The following LACRT variants were observed in gnomAD, a reference collection of about 807,000 sequenced individuals.
LACRT encodes the protein extracellular glycoprotein lacritin.
Under a neutral mutation model 14.5 loss-of-function variants are expected in LACRT, and 14 were observed. The observed-to-expected ratio is 0.96, with a 90% CI of 0.64 to 1.51. LACRT has a LOEUF of 1.51. LACRT is among the 40% of genes most tolerant of loss of function. The probability of loss-of-function intolerance (pLI) is 0.00; values close to 1 mark genes in which losing one functional copy is unlikely to be tolerated. For missense variants in LACRT, 156 were observed against 161.8 expected (o/e 0.96, Z 0.19); for synonymous variants, 70 against 63.5 (o/e 1.10, Z -0.48).
At chr12:54,631,932 C>G (rs1037073224) in intron 3 of LACRT, 93 bp from the exon 4 acceptor site, 9 of 753,856 alleles carry the variant, frequency 1.2e-5, no homozygotes, top group East Asian at 5.5e-5. Context: ...CCCCCACCCC[C>G]ACTCCACCCA....
At chr12:54,632,499 T>C in intron 2 of LACRT, 118 bp from the exon 3 acceptor site, 1 of 1,184,408 alleles carries the variant, frequency 8.4e-7, no homozygotes, top group Non-Finnish European at 1.2e-6. Flanking sequence ...AGAAGTGATA[T>C]GGCTTAAACG....
In LACRT at chr12:54,632,251, T is replaced by C. The variant is rs775369695; in HGVS notation, c.243A>G (p.Leu81=). 2 of 1,614,056 alleles carry C rather than the reference T, an allele frequency of 1.2e-6. No homozygotes were observed. Among genetic ancestry groups the C allele is most frequent in the South Asian group, 2.2e-5 (2 of 91,068 alleles). ...TAKVTSSRQE[L]NPLKSIVEKS... ...GAGACAGAGACTTACTCAGGGGGTT[T>C]AGTTCCTGCCTGCTTGAGGTGACCT... Residue 81 remains leucine, a synonymous_variant, in exon 3 of 5, where the codon CTA becomes CTG. Transcript: ENST00000257867.
chr12:54,634,639 G>A (rs374840746), intron 1 of LACRT, 145 bp downstream of exon 1: 114 of 786,284 alleles, frequency 1.4e-4, no homozygotes, highest in Admixed American at 1.3e-3. Flanking sequence ...CAGAGGCCAC[G>A]TGTGGAGAAC....
At chr12:54,631,105 C>G in intron 4 of LACRT, 152 bp from the exon 5 acceptor site, 1 of 633,530 alleles carries the variant, frequency 1.6e-6, no homozygotes, top group Non-Finnish European at 2.8e-6. Flanking sequence ...ATTAGATTCA[C>G]CAGAGCCTGA....
chr12:54,631,765 C>T lies in LACRT; in HGVS notation c.328G>A (p.Val110Met), dbSNP rs373073673. ...AKAGKGMHGG[V>M]PGGKQFIENG... ...TCGATGAATTGTTTTCCACCTGGCACGCCTCCGTGCATTCCTTTTCCTGCT... is the reference window on the plus strand; with the variant it reads ...TCGATGAATTGTTTTCCACCTGGCATGCCTCCGTGCATTCCTTTTCCTGCT... The change falls in exon 4 of 5, where the codon GTG (valine) becomes ATG (methionine). Residue 110 changes from valine (V) to methionine (M), a missense_variant. Coordinates refer to ENST00000257867, the MANE Select transcript of LACRT (RefSeq NM_033277.2). The T allele has an allele frequency of 1.7e-5, 27 of 1,613,762 alleles. No individual in the cohort carries two copies. In the East Asian group the frequency reaches 2.0e-4, roughly 12 times the overall value.
At chr12:54,632,615 G>C (rs1958160670) in intron 2 of LACRT, among the ~76,000 whole-genome samples, 1 of 152,142 alleles carries the variant, frequency 6.6e-6, no homozygotes, top group Non-Finnish European at 1.5e-5. Flanking sequence ...GAATCGGGGA[G>C]CACTTCATAG....
Position 54,631,771 on chromosome 12 carries a change from C to T in LACRT, c.322G>A (p.Gly108Arg), listed in dbSNP as rs780461557. ...ALAKAGKGMH[G>R]GVPGGKQFIE... ...AATTGTTTTCCACCTGGCACGCCTC[C>T]GTGCATTCCTTTTCCTGCTTTTGCA... The change falls in exon 4 of 5, where the codon GGA becomes AGA. Residue 108 changes from glycine to arginine, a missense_variant. Coordinates refer to ENST00000257867, the MANE Select transcript of LACRT (RefSeq NM_033277.2). The T allele has an allele frequency of 1.4e-5, 23 of 1,613,872 alleles. No homozygotes were observed. The highest frequency in any genetic ancestry group is 1.3e-4 in the Admixed American group (8 of 60,016).
intron 4 of LACRT, among the ~76,000 whole-genome samples, 193 bp from the exon 5 acceptor site, chr12:54,631,146 G>T (rs1958149939): frequency 6.6e-6 from 1 of 152,180 alleles, no homozygotes; most frequent in South Asian, 2.1e-4. Flanking sequence ...CCTTGGCAGG[G>T]GCAGGGGACA....
At position 54,630,848 on chromosome 12, in the gene LACRT, G is replaced by T. The variant is rs757067294; in HGVS notation, c.*44C>A. Reference sequence around the variant, plus strand: ...GTTTTAATAGCTCTGGGCTACAAGGGTATTTAAGGCTTTAAGTCCAATGAT... The same window carrying T: ...GTTTTAATAGCTCTGGGCTACAAGGTTATTTAAGGCTTTAAGTCCAATGAT... On this transcript the variant is annotated 3_prime_UTR_variant, in exon 5 of 5. Coordinates refer to ENST00000257867, the MANE Select transcript of LACRT (RefSeq NM_033277.2). The T allele has an allele frequency of 2.2e-6, 3 of 1,386,772 alleles. No individual in the cohort carries two copies. Among genetic ancestry groups the T allele is most frequent in the Admixed American group, 3.4e-5 (2 of 59,624 alleles). The allele number at this position is 1,386,772 out of a possible 1,614,324, so 85.9% of individuals were successfully genotyped here. A position where few individuals can be genotyped will look rare whatever the true frequency, so the allele number is the denominator to read the frequency against.
intron 4 of LACRT, among the ~76,000 whole-genome samples, chr12:54,631,308 C>T (rs1958150875): frequency 1.3e-5 from 2 of 152,302 alleles, no homozygotes; most frequent in South Asian, 4.1e-4. Context: ...GGCACAATCT[C>T]GGCCCACTGC....
At chr12:54,632,471 T>G in intron 2 of LACRT, 90 bp from the exon 3 acceptor site, 1 of 1,474,838 alleles carries the variant, frequency 6.8e-7, no homozygotes, top group Non-Finnish European at 9.3e-7. Context: ...ACCTAATGTG[T>G]GCTGGGTGCC....
chr12:54,631,363 C>A (rs775283725), intron 4 of LACRT, among the ~76,000 whole-genome samples: 1 of 152,152 alleles, frequency 6.6e-6, no homozygotes, highest in Non-Finnish European at 1.5e-5. Context: ...CCTTAGCCTC[C>A]CAAGTAGCTG....
intron 4 of LACRT, among the ~76,000 whole-genome samples, chr12:54,631,411 TG>T (rs1411878171): frequency 4.6e-5 from 7 of 152,200 alleles, no homozygotes; most frequent in Admixed American, 3.9e-4. Context: ...GGCTAATTTT[TG>T]TATTTTTTTG....
chr12:54,631,425 G>C (rs1490669701), intron 4 of LACRT, among the ~76,000 whole-genome samples: 1 of 152,128 alleles, frequency 6.6e-6, no homozygotes, highest in African/African-American at 2.4e-5. Flanking sequence ...TTTTTTTGTA[G>C]AGATGGGGTA....
Position 54,630,922 on chromosome 12 carries a change from C to CT in LACRT, c.386dup (p.Lys130GlufsTer13), listed in dbSNP as rs1329864570. 6.2e-7 allele frequency: 1 copy of CT among 1,612,422 alleles called. No individual in the cohort carries two copies. Among genetic ancestry groups the CT allele is most frequent in the Non-Finnish European group, 8.5e-7 (1 of 1,178,774 alleles). On this transcript the variant is annotated frameshift_variant, in exon 5 of 5. Coordinates refer to ENST00000257867, the MANE Select transcript of LACRT (RefSeq NM_033277.2). LOFTEE classifies it low-confidence loss of function (END_TRUNC). ...CCCATGGTTTTAATAGACTGAATTTCTTCAGTAATTTTTGTGCAAATTCAC... is the reference window on the plus strand; with the variant it reads ...CCCATGGTTTTAATAGACTGAATTTCTTTCAGTAATTTTTGTGCAAATTCAC...
In LACRT at chr12:54,633,209, C is replaced by G. The variant is rs754687968; in HGVS notation, c.83G>C (p.Gly28Ala). Residue 28 changes from glycine to alanine, a missense_variant, in exon 2 of 5, where the codon GGT becomes GCT. Coordinates refer to ENST00000257867, the MANE Select transcript of LACRT (RefSeq NM_033277.2). ...YAEDASSDST[G>A]ADPAQEAGTS... ...CCCAGCTTCCTGGGCAGGATCAGCACCCGTCGAGTCAGAGGAGGCATCTTC... is the reference window on the plus strand; with the variant it reads ...CCCAGCTTCCTGGGCAGGATCAGCAGCCGTCGAGTCAGAGGAGGCATCTTC... 1.9e-6 allele frequency: 3 copies of G among 1,613,940 alleles called. No individual in the cohort carries two copies. Among genetic ancestry groups the G allele is most frequent in the Non-Finnish European group, 2.5e-6 (3 of 1,179,934 alleles).
Position 54,632,516 on chromosome 12 carries a change from C to T in LACRT, c.113-135G>A, listed in dbSNP as rs1222584560. The T allele has an allele frequency of 7.9e-6, 8 of 1,018,892 alleles. No homozygotes were observed. The South Asian group carries it at 1.1e-4, about 14-fold the overall frequency. The allele number at this position is 1,018,892 out of a possible 1,614,324, so 63.1% of individuals were successfully genotyped here. A position where few individuals can be genotyped will look rare whatever the true frequency, so the allele number is the denominator to read the frequency against. On this transcript the variant is annotated intron_variant, in intron 2 of 4. Coordinates refer to ENST00000257867, the MANE Select transcript of LACRT (RefSeq NM_033277.2). ...AAGTGATATGGCTTAAACGCTGCCC[C>T]CTTAAGGGAGATAGCATTTCTGCAT...
rs754892388 is a variant in LACRT, at chr12:54,634,870, C to T, written c.-29G>A. 5 of 1,564,742 alleles carry T rather than the reference C, an allele frequency of 3.2e-6. No homozygotes were observed. Among genetic ancestry groups the T allele is most frequent in the Non-Finnish European group, 4.4e-6 (5 of 1,135,192 alleles). On this transcript the variant is annotated 5_prime_UTR_variant, in exon 1 of 5. It adds an upstream start codon to the 5' untranslated region. Coordinates refer to ENST00000257867, the MANE Select transcript of LACRT (RefSeq NM_033277.2). ...TTGGGATGAGGAGTGAGTATAACCA[C>T]AGAATCTGCAGAAGGTCTGGGGAAT...
At chr12:54,633,039 A>G in intron 2 of LACRT, 141 bp downstream of exon 2, 1 of 840,774 alleles carries the variant, frequency 1.2e-6, no homozygotes, top group South Asian at 1.4e-5. Context: ...CTTCTTTATT[A>G]TATTACCTGC....
Sources: gnomAD v4.1 joint callset for allele counts (sites outside exome capture counted in the v4.1 genomes callset) on GRCh38, gnomAD v4.1.1 for gene constraint, MANE v1.5 for transcripts, NCBI Gene and HGNC (gene_info 2026-07-23, HGNC 2026-07-21) for gene names.